C12orf76: variants seen among roughly 807,000 people sequenced by gnomAD.
C12orf76 encodes uncharacterized protein C12orf76.
In C12orf76, 6 loss-of-function variants were observed where a neutral mutation model predicts 6.8. That is an observed-to-expected ratio of 0.88 (90% CI 0.48 to 1.73). The LOEUF is 1.73. C12orf76 is among the 40% of genes most tolerant of loss of function. C12orf76 has a pLI of 0.01. For missense variants in C12orf76, 99 were observed against 98.2 expected (o/e 1.01, Z -0.03); for synonymous variants, 56 against 43.7 (o/e 1.28, Z -1.11).
chr12:110,058,085 A>G (rs1892704242), intron 3 of C12orf76, among the ~76,000 whole-genome samples: 1 of 151,158 alleles, frequency 6.6e-6, no homozygotes, highest in Non-Finnish European at 1.5e-5. Flanking sequence ...AAAAAAAAAA[A>G]AAAAAGAAGA....
At chr12:110,067,782 T>G (rs1892891062), upstream of C12orf76, 1 of 153,114 alleles carries the variant, frequency 6.5e-6, no homozygotes, top group Admixed American at 6.5e-5. Flanking sequence ...CAGGGATGGA[T>G]ATGTAATTCA....
chr12:110,062,241 G>A (rs577962411), intron 2 of C12orf76, among the ~76,000 whole-genome samples: 2 of 152,324 alleles, frequency 1.3e-5, no homozygotes, highest in South Asian at 4.1e-4. Flanking sequence ...TCCAGCCTGA[G>A]TGATTGAGTG....
upstream of C12orf76, among the ~76,000 whole-genome samples, chr12:110,068,331 G>GAAGAA (rs1566080355): frequency 8.7e-6 from 1 of 115,170 alleles, no homozygotes; most frequent in African/African-American, 3.1e-5. Flanking sequence ...AGAAGAAGAA[G>GAAGAA]GCGGCCAAAT....
At chr12:110,066,036 A>T in intron 1 of C12orf76, 3 of 1,571,582 alleles carry the variant, frequency 1.9e-6, no homozygotes, top group Non-Finnish European at 2.6e-6. Context: ...CACATCACCT[A>T]GGTGTCAAGG....
chr12:110,068,270 AGAAGAAGAAGAAG>A (rs1338097846), upstream of C12orf76, among the ~76,000 whole-genome samples: 1 of 125,974 alleles, frequency 7.9e-6, no homozygotes, highest in Non-Finnish European at 1.7e-5. Flanking sequence ...AAGAAGAAGA[AGAAGAAGAAGAAG>A]AAGAAGAAGA....
upstream of C12orf76, among the ~76,000 whole-genome samples, chr12:110,068,247 AAAGAAGAAGAAGAAGAAG>A (rs4042063): frequency 0.034 from 2,173 of 63,770 alleles, 56 homozygotes; most frequent in East Asian, 0.051. Context: ...GAAGAAGAAG[AAAGAAGAAGAAGAAGAAG>A]AAGAAGAAGA....
chr12:110,048,790 G>C, upstream of C12orf76: 2 of 542,716 alleles, frequency 3.7e-6, no homozygotes, highest in African/African-American at 4.0e-5. Context: ...CATTGGGGTC[G>C]AGGTCTTGTA....
At chr12:110,071,394 T>C (rs1247428575), upstream of C12orf76, among the ~76,000 whole-genome samples, 3 of 152,154 alleles carry the variant, frequency 2.0e-5, no homozygotes, top group Non-Finnish European at 2.9e-5. Flanking sequence ...TACATACATG[T>C]ATTTTGTATA....
At chr12:110,073,365 G>A in intron 1 of C12orf76, 1 of 502,774 alleles carries the variant, frequency 2.0e-6, no homozygotes, top group South Asian at 1.4e-5. Context: ...GCCCCCTGGG[G>A]CTTTCTGTGC....
intron 1 of C12orf76, chr12:110,066,051 G>A: frequency 6.5e-7 from 1 of 1,543,460 alleles, no homozygotes. Context: ...TCAAGGGTGG[G>A]ATGAGAATGT....
At chr12:110,066,194 A>G (rs1291575732) in intron 1 of C12orf76, among the ~76,000 whole-genome samples, 6 of 151,868 alleles carry the variant, frequency 4.0e-5, no homozygotes, top group Non-Finnish European at 8.8e-5. Flanking sequence ...CAACATGGCG[A>G]AGCCCTATCT....
chr12:110,047,696 A>AG (rs1892487001), intron 1 of C12orf76, among the ~76,000 whole-genome samples: 1 of 152,228 alleles, frequency 6.6e-6, no homozygotes. Context: ...AGAAAAAAAA[A>AG]GGGCTGCAAA....
chr12:110,057,112 GA>G, intron 4 of C12orf76: 1 of 968,840 alleles, frequency 1.0e-6, no homozygotes. Flanking sequence ...AGATGGAGAC[GA>G]AGGTGTCCAC....
chr12:110,068,265 G>GAAGAA (rs1178066556), upstream of C12orf76, among the ~76,000 whole-genome samples: 186 of 112,952 alleles, frequency 1.6e-3, 2 homozygotes, highest in African/African-American at 5.4e-3. Flanking sequence ...AGAAGAAGAA[G>GAAGAA]AAGAAGAAGA....
chr12:110,059,080 G>A, exon 3 of C12orf76: 3 of 1,551,682 alleles, frequency 1.9e-6, no homozygotes, highest in African/African-American at 1.4e-5. Flanking sequence ...TCTGAACGCA[G>A]CCATCTGGCT....
Position 110,048,479 on chromosome 12 carries a change from AACGCTGG to A in C12orf76, c.10_16del (p.Pro4TyrfsTer41). ...GCAGAGGCCAAGGTACAGCCACGGT[AACGCTGG>A]ACGCAGCATCTTCCCCAGCCCTGCA... On this transcript the variant is annotated frameshift_variant, in exon 1 of 2. Coordinates refer to ENST00000615315, the MANE Select transcript of C12orf76 (RefSeq NM_001389625.1). LOFTEE classifies it high-confidence loss of function. 6.9e-7 allele frequency: 1 copy of A among 1,456,710 alleles called. No homozygotes were observed. The highest frequency in any genetic ancestry group is 9.0e-7 in the Non-Finnish European group (1 of 1,106,162). 90.2% of individuals were successfully genotyped at this position (1,456,710 alleles called of 1,614,324 possible). A position where few individuals can be genotyped will look rare whatever the true frequency, so the allele number is the denominator to read the frequency against.
chr12:110,068,903 G>A (rs551655587), upstream of C12orf76, among the ~76,000 whole-genome samples: 31 of 152,250 alleles, frequency 2.0e-4, 2 homozygotes, highest in South Asian at 6.2e-3. Flanking sequence ...TGGTATACCC[G>A]CTACACAGAT....
intron 2 of C12orf76, among the ~76,000 whole-genome samples, chr12:110,061,865 C>T (rs899596549): frequency 1.3e-5 from 2 of 152,056 alleles, no homozygotes; most frequent in African/African-American, 4.8e-5. Context: ...AGAGCATGGA[C>T]TATGGTGTGA....
At chr12:110,063,477 A>G (rs1361514056) in intron 2 of C12orf76, among the ~76,000 whole-genome samples, 1 of 148,016 alleles carries the variant, frequency 6.8e-6, no homozygotes, top group Non-Finnish European at 1.5e-5. Flanking sequence ...TTTAGTAGAG[A>G]TGGGGTTTCA....
Sources: gnomAD v4.1 joint callset for allele counts (sites outside exome capture counted in the v4.1 genomes callset) on GRCh38, gnomAD v4.1.1 for gene constraint, MANE v1.5 for transcripts, NCBI Gene and HGNC (gene_info 2026-07-23, HGNC 2026-07-21) for gene names.